RUFY4: variants seen among roughly 807,000 people sequenced by gnomAD.
RUFY4 encodes RUN and FYVE domain-containing protein 4.
A neutral mutation model predicts 69.0 loss-of-function variants in RUFY4; 73 were observed. That is an observed-to-expected ratio of 1.06 (90% CI 0.88 to 1.29). The LOEUF (loss-of-function observed/expected upper bound fraction) is 1.29, where lower values mean the gene tolerates loss of function less well. Among genes scored for constraint, RUFY4 ranks in the 50% most tolerant of loss-of-function variants. RUFY4 has a pLI of 0.00. For missense variants in RUFY4, 770 were observed against 705.6 expected (o/e 1.09, Z -1.03); for synonymous variants, 287 against 271.8 (o/e 1.06, Z -0.55).
At chr2:218,065,406 T>G (rs540996822), upstream of RUFY4, 1 of 152,718 alleles carries the variant, frequency 6.5e-6, no homozygotes, top group South Asian at 2.1e-4. Context: ...TGCCAGGCTT[T>G]GCCCAAGGGC....
At chr2:218,043,773 A>G (rs1688758098) in intron 2 of RUFY4, among the ~76,000 whole-genome samples, 1 of 152,120 alleles carries the variant, frequency 6.6e-6, no homozygotes, top group South Asian at 2.1e-4. Flanking sequence ...TTCGCCAGGG[A>G]CCCACCACCT....
chr2:218,049,537 A>T (rs2106030491), intron 2 of RUFY4, among the ~76,000 whole-genome samples: 2 of 144,318 alleles, frequency 1.4e-5, no homozygotes, highest in East Asian at 2.0e-4. Flanking sequence ...ATGGAGTTTC[A>T]CTCTTGTTGC....
chr2:218,037,977 G>T (rs1284365523), intron 2 of RUFY4, among the ~76,000 whole-genome samples: 1 of 152,124 alleles, frequency 6.6e-6, no homozygotes, highest in Non-Finnish European at 1.5e-5. Context: ...AATATTTAAA[G>T]AACCAGCAAA....
At chr2:218,071,971 T>G (rs1392608420) in intron 2 of RUFY4, among the ~76,000 whole-genome samples, 2 of 151,998 alleles carry the variant, frequency 1.3e-5, no homozygotes, top group Non-Finnish European at 2.9e-5. Context: ...AAAGGATGAG[T>G]AGGTGTCTTG....
At chr2:218,075,041 G>C (rs140167485) in intron 6 of RUFY4, 52 bp from the exon 9 acceptor site, 1 of 1,458,722 alleles carries the variant, frequency 6.9e-7, no homozygotes, top group Non-Finnish European at 9.1e-7. Flanking sequence ...AATGGCACCA[G>C]GTCAGTGAAT....
At chr2:218,087,466 C>T (rs1197964486) in intron 9 of RUFY4, among the ~76,000 whole-genome samples, 2 of 152,074 alleles carry the variant, frequency 1.3e-5, no homozygotes, top group Admixed American at 6.6e-5. Context: ...TATTACAGAA[C>T]AGGAGTCATA....
chr2:218,036,816 T>G (rs4674238), intron 2 of RUFY4, among the ~76,000 whole-genome samples: 34,981 of 152,280 alleles, frequency 0.23, 5,206 homozygotes, highest in East Asian at 0.41. Flanking sequence ...TTTAAATATC[T>G]CTGGTTATGG....
chr2:218,042,286 G>A (rs57338202), intron 2 of RUFY4, among the ~76,000 whole-genome samples: 15,151 of 152,152 alleles, frequency 0.1, 2,356 homozygotes, highest in African/African-American at 0.34. Context: ...AAGAAAACTT[G>A]TATTAGTTTC....
At chr2:218,074,286 G>A (rs1015993901) in intron 6 of RUFY4, among the ~76,000 whole-genome samples, 1 of 152,144 alleles carries the variant, frequency 6.6e-6, no homozygotes, top group Non-Finnish European at 1.5e-5. Flanking sequence ...CAGGTTGCCC[G>A]GTTGAATTCC....
chr2:218,040,208 C>T (rs1959041939), intron 2 of RUFY4, among the ~76,000 whole-genome samples: 1 of 152,216 alleles, frequency 6.6e-6, no homozygotes, highest in African/African-American at 2.4e-5. Context: ...CCTGGGACCC[C>T]CGCTTGGTCA....
intron 2 of RUFY4, among the ~76,000 whole-genome samples, chr2:218,040,656 G>A (rs564612499): frequency 1.3e-5 from 2 of 152,184 alleles, no homozygotes; most frequent in South Asian, 2.1e-4. Context: ...TTGCCCTTTT[G>A]TGGGAAGAGG....
chr2:218,070,792 AG>A lies in RUFY4; in HGVS notation c.90del (p.Pro31GlnfsTer2). On this transcript the variant is annotated frameshift_variant, in exon 2 of 11. Coordinates refer to ENST00000344321, the Ensembl canonical transcript of RUFY4. LOFTEE classifies it high-confidence loss of function. Reference sequence around the variant, plus strand: ...ATCCTCCAGGGCTATGGGGATGGGCAGGGGCCAGTGACGGACACCAGTGCCG... The same window carrying A: ...ATCCTCCAGGGCTATGGGGATGGGCAGGGCCAGTGACGGACACCAGTGCCG... The A allele has an allele frequency of 6.5e-7, 1 of 1,537,228 alleles. No homozygotes were observed. The highest frequency in any genetic ancestry group is 8.7e-7 in the Non-Finnish European group (1 of 1,146,802).
intron 4 of RUFY4, 139 bp downstream of exon 6, chr2:218,073,024 G>A: frequency 1.0e-6 from 1 of 960,034 alleles, no homozygotes; most frequent in Non-Finnish European, 1.5e-6. Context: ...AAAATCAAGG[G>A]AGAAAGGGCA....
chr2:218,072,997 A>C, intron 4 of RUFY4, 112 bp downstream of exon 6: 1 of 989,840 alleles, frequency 1.0e-6, no homozygotes, highest in Non-Finnish European at 1.5e-6. Flanking sequence ...GACAGTTACA[A>C]TGAGAGTCAT....
chr2:218,083,562 A>G (rs1333511494), intron 9 of RUFY4, among the ~76,000 whole-genome samples: 1 of 152,098 alleles, frequency 6.6e-6, no homozygotes, highest in Non-Finnish European at 1.5e-5. Context: ...AGCCTGGCCA[A>G]TGTAGTGAAA....
chr2:218,039,544 C>T (rs1959030324), intron 2 of RUFY4, among the ~76,000 whole-genome samples: 1 of 152,228 alleles, frequency 6.6e-6, no homozygotes, highest in African/African-American at 2.4e-5. Flanking sequence ...AAACACATCA[C>T]TGCAGTATAG....
intron 3 of RUFY4, among the ~76,000 whole-genome samples, chr2:218,062,491 T>C (rs907108288): frequency 6.6e-6 from 1 of 151,478 alleles, no homozygotes; most frequent in Non-Finnish European, 1.5e-5. Flanking sequence ...GGCAGGCGGA[T>C]TGCCTGAGCA....
At chr2:218,072,549 G>A (rs1689514125) in intron 3 of RUFY4, 50 bp downstream of exon 5, 2 of 1,528,738 alleles carry the variant, frequency 1.3e-6, no homozygotes, top group Non-Finnish European at 1.8e-6. Flanking sequence ...GGTAGACATA[G>A]GCCTCCTCCT....
At chr2:218,063,418 C>T (rs1046924077) in intron 3 of RUFY4, among the ~76,000 whole-genome samples, 3 of 152,174 alleles carry the variant, frequency 2.0e-5, no homozygotes, top group South Asian at 4.1e-4. Flanking sequence ...TCTCCCACAT[C>T]GCAGGTGGGA....
Sources: gnomAD v4.1 joint callset for allele counts (sites outside exome capture counted in the v4.1 genomes callset) on GRCh38, gnomAD v4.1.1 for gene constraint, MANE v1.5 for transcripts, NCBI Gene and HGNC (gene_info 2026-07-23, HGNC 2026-07-21) for gene names.